CCDC102B: variants seen among roughly 807,000 people sequenced by gnomAD.
The protein encoded by CCDC102B is coiled-coil domain containing 102B.
CCDC102B carries 75 observed loss-of-function variants against 57.4 expected under a neutral mutation model. The observed-to-expected ratio is 1.31, with a 90% CI of 1.08 to 1.58. The LOEUF (loss-of-function observed/expected upper bound fraction) is 1.58. Ranked by LOEUF, CCDC102B falls within the 40% of genes most tolerant of loss-of-function variation. The pLI is 0.00. For missense variants in CCDC102B, 636 were observed against 582.6 expected (o/e 1.09, Z -0.94); for synonymous variants, 206 against 201.9 (o/e 1.02, Z -0.17).
At chr18:68,761,372 G>C (rs2034248251) in intron 2 of CCDC102B, among the ~76,000 whole-genome samples, 1 of 151,950 alleles carries the variant, frequency 6.6e-6, no homozygotes, top group African/African-American at 2.4e-5. Context: ...AGTTTCTGGA[G>C]AATTCAGTTT....
chr18:68,795,920 TGAAAG>T (rs2035614542), upstream of CCDC102B, among the ~76,000 whole-genome samples: 1 of 152,074 alleles, frequency 6.6e-6, no homozygotes, highest in African/African-American at 2.4e-5. Context: ...GTTCCACCAT[TGAAAG>T]GAAAGAAAAG....
chr18:68,846,609 C>T (rs1970673), intron 4 of CCDC102B, among the ~76,000 whole-genome samples, 188 bp downstream of exon 4: 22,738 of 151,558 alleles, frequency 0.15, 1,939 homozygotes, highest in East Asian at 0.27. Context: ...GACTCTATGA[C>T]ATCTTGTTTT....
intron 2 of CCDC102B, chr18:68,754,846 T>A (rs888469370): frequency 4.6e-5 from 7 of 152,178 alleles, no homozygotes; most frequent in Non-Finnish European, 1.0e-4. Flanking sequence ...TAAGAGAAGC[T>A]TAAGAGAGAT....
At chr18:68,749,468 G>T (rs572495542) in intron 2 of CCDC102B, among the ~76,000 whole-genome samples, 2 of 152,288 alleles carry the variant, frequency 1.3e-5, no homozygotes, top group South Asian at 4.1e-4. Context: ...GTGGTTTGCA[G>T]TTCTCCTTGA....
At chr18:68,908,003 G>A (rs1239601106) in intron 6 of CCDC102B, 5 of 152,016 alleles carry the variant, frequency 3.3e-5, no homozygotes. Flanking sequence ...CCCTGATCAA[G>A]TATTGCATTT....
At chr18:68,894,494 T>A (rs1310794688) in intron 5 of CCDC102B, among the ~76,000 whole-genome samples, 3 of 151,880 alleles carry the variant, frequency 2.0e-5, no homozygotes, top group Non-Finnish European at 4.4e-5. Flanking sequence ...GAATTCTATT[T>A]CCATTTGATA....
intron 7 of CCDC102B, among the ~76,000 whole-genome samples, chr18:69,046,025 G>T (rs2052557558): frequency 6.6e-6 from 1 of 152,030 alleles, no homozygotes; most frequent in South Asian, 2.1e-4. Context: ...TAAGTTGATT[G>T]TCTTTGCTAT....
intron 5 of CCDC102B, among the ~76,000 whole-genome samples, chr18:68,883,896 G>A (rs75631259): frequency 0.011 from 1,614 of 152,060 alleles, 37 homozygotes; most frequent in East Asian, 0.08. Context: ...ACATCCAATC[G>A]GCTTTTTAGT....
chr18:69,057,501 A>G (rs2052836699), downstream of CCDC102B, among the ~76,000 whole-genome samples: 1 of 151,934 alleles, frequency 6.6e-6, no homozygotes. Flanking sequence ...TAACCTCTCA[A>G]TACTCAGGAG....
At chr18:68,802,466 G>A (rs1187839295) in intron 1 of CCDC102B, among the ~76,000 whole-genome samples, 1 of 152,164 alleles carries the variant, frequency 6.6e-6, no homozygotes, top group Non-Finnish European at 1.5e-5. Context: ...TTTTTGATAT[G>A]TTTTTATATT....
intron 7 of CCDC102B, among the ~76,000 whole-genome samples, chr18:69,018,741 TTC>T (rs1288060028): frequency 6.6e-6 from 1 of 152,154 alleles, no homozygotes; most frequent in Non-Finnish European, 1.5e-5. Context: ...CATTTTCTTT[TTC>T]TGTATAGAAG....
chr18:68,958,465 T>C (rs2049963811), intron 6 of CCDC102B, among the ~76,000 whole-genome samples: 1 of 152,164 alleles, frequency 6.6e-6, no homozygotes, highest in South Asian at 2.1e-4. Flanking sequence ...TCATAATGAA[T>C]GTTTTTTTAG....
chr18:68,821,191 C>A, intron 1 of CCDC102B, among the ~76,000 whole-genome samples: 1 of 151,754 alleles, frequency 6.6e-6, no homozygotes, highest in South Asian at 2.1e-4. Flanking sequence ...ATACTTAAGT[C>A]AGAAAAGAAA....
intron 5 of CCDC102B, among the ~76,000 whole-genome samples, chr18:68,885,867 C>T (rs2039865989): frequency 6.6e-6 from 1 of 151,912 alleles, no homozygotes; most frequent in Admixed American, 6.6e-5. Context: ...AAAAGTGACA[C>T]TCATATTATG....
chr18:68,902,346 C>G lies in CCDC102B; in HGVS notation c.1263+4918C>G, dbSNP rs1038718400. On this transcript the variant is annotated intron_variant, in intron 6 of 7. Coordinates refer to ENST00000360242, the MANE Select transcript of CCDC102B (RefSeq NM_024781.3). ...CTCATGTTCCTGTAAGTTAAGCAAA[C>G]AAGTAACTTAAATGCATGTGCACAT... 1.3e-5 allele frequency: 2 copies of G among 152,242 alleles called. 1 individual carries two copies. Among genetic ancestry groups the G allele is most frequent in the Admixed American group, 1.3e-4 (2 of 15,282 alleles). 9.4% of individuals were successfully genotyped at this position (152,242 alleles called of 1,614,324 possible). A position where few individuals can be genotyped will look rare whatever the true frequency, so the allele number is the denominator to read the frequency against.
At chr18:68,953,675 G>A (rs1177335247) in intron 6 of CCDC102B, among the ~76,000 whole-genome samples, 1 of 151,914 alleles carries the variant, frequency 6.6e-6, no homozygotes, top group Admixed American at 6.6e-5. Flanking sequence ...TGGAAAATTT[G>A]AGAGAACTCT....
intron 1 of CCDC102B, among the ~76,000 whole-genome samples, chr18:68,834,978 T>C (rs2037304511): frequency 6.6e-6 from 1 of 152,050 alleles, no homozygotes; most frequent in Non-Finnish European, 1.5e-5. Context: ...TAAAATATTA[T>C]ATAAGATTAT....
intron 3 of CCDC102B, among the ~76,000 whole-genome samples, chr18:68,839,506 C>T (rs538077510): frequency 5.6e-4 from 86 of 152,252 alleles, no homozygotes; most frequent in African/African-American, 2.0e-3. Flanking sequence ...ACAAACTTTT[C>T]CAAGTAATTA....
chr18:68,752,858 C>A (rs141663148), intron 2 of CCDC102B, among the ~76,000 whole-genome samples: 2 of 152,042 alleles, frequency 1.3e-5, no homozygotes, highest in African/African-American at 4.8e-5. Flanking sequence ...TATTACTCAA[C>A]CTTCTTGATA....
Sources: allele counts gnomAD v4.1 joint callset (sites outside exome capture counted in the v4.1 genomes callset), GRCh38; gene constraint gnomAD v4.1.1; transcripts MANE v1.5; gene names NCBI Gene and HGNC (gene_info 2026-07-23, HGNC 2026-07-21).